DCC: variants seen among roughly 807,000 people sequenced by gnomAD.
DCC encodes the protein netrin receptor DCC.
A neutral mutation model predicts 172.5 loss-of-function variants in DCC; 58 were observed. The observed-to-expected ratio is 0.34, with a 90% CI of 0.27 to 0.42. The LOEUF is 0.42. Among genes scored for constraint, DCC ranks in the 10% least tolerant of loss-of-function variants. DCC has a pLI of 1.00. For missense variants in DCC, 1,740 were observed against 1,791.0 expected (o/e 0.97, Z 0.51); for synonymous variants, 709 against 644.5 (o/e 1.10, Z -1.52).
At chr18:52,831,053 T>G (rs990975217) in intron 2 of DCC, among the ~76,000 whole-genome samples, 2 of 151,964 alleles carry the variant, frequency 1.3e-5, no homozygotes, top group African/African-American at 4.8e-5. Context: ...ATTAGGAAAA[T>G]GAGATTTAAA....
intron 3 of DCC, among the ~76,000 whole-genome samples, chr18:52,918,805 AAAAC>A (rs1239515444): frequency 3.3e-5 from 5 of 152,318 alleles, no homozygotes; most frequent in African/African-American, 7.2e-5. Context: ...CAGCAGTGCA[AAAAC>A]AAACTAAAAA....
chr18:53,418,973 C>G (rs1354608966), intron 21 of DCC, among the ~76,000 whole-genome samples: 1 of 152,102 alleles, frequency 6.6e-6, no homozygotes, highest in Non-Finnish European at 1.5e-5. Context: ...ATCTCTTGCT[C>G]CATATCCTAA....
intron 21 of DCC, among the ~76,000 whole-genome samples, chr18:53,429,123 A>ATG (rs1206609805): frequency 1.0e-5 from 1 of 97,536 alleles, no homozygotes; most frequent in African/African-American, 3.6e-5. Context: ...TATTTTATAT[A>ATG]TATATAAATA....
At chr18:52,967,631 A>G (rs1450563809) in intron 5 of DCC, among the ~76,000 whole-genome samples, 1 of 151,994 alleles carries the variant, frequency 6.6e-6, no homozygotes, top group Non-Finnish European at 1.5e-5. Context: ...GTTAATCTAT[A>G]CTTTCTTCTA....
intron 1 of DCC, among the ~76,000 whole-genome samples, chr18:52,457,350 T>C (rs965642245): frequency 2.0e-5 from 3 of 152,180 alleles, no homozygotes; most frequent in African/African-American, 4.8e-5. Flanking sequence ...TCAGTATTAT[T>C]TGAGGTAGGA....
intron 1 of DCC, among the ~76,000 whole-genome samples, chr18:52,644,014 G>C (rs1200341402): frequency 6.6e-6 from 1 of 151,792 alleles, no homozygotes; most frequent in Non-Finnish European, 1.5e-5. Flanking sequence ...TCAGAGGAAA[G>C]GAGTGAAGAT....
intron 1 of DCC, among the ~76,000 whole-genome samples, chr18:52,686,766 G>A (rs1453037292): frequency 1.3e-5 from 2 of 152,088 alleles, no homozygotes; most frequent in Non-Finnish European, 2.9e-5. Context: ...AAGAGGGTTG[G>A]AGATAAATCA....
intron 25 of DCC, among the ~76,000 whole-genome samples, chr18:53,486,386 C>T (rs996303104): frequency 6.6e-6 from 1 of 152,026 alleles, no homozygotes; most frequent in African/African-American, 2.4e-5. Flanking sequence ...TGGAAAATTC[C>T]CAACATTTTT....
chr18:53,183,301 G>A (rs974424663), intron 9 of DCC, among the ~76,000 whole-genome samples: 7 of 152,026 alleles, frequency 4.6e-5, no homozygotes, highest in Non-Finnish European at 1.0e-4. Flanking sequence ...AAATAGAAAG[G>A]CTTGATTTAT....
chr18:53,172,288 T>C (rs1001350938), intron 8 of DCC, among the ~76,000 whole-genome samples: 5 of 151,982 alleles, frequency 3.3e-5, no homozygotes, highest in Non-Finnish European at 7.4e-5. Flanking sequence ...CAGGGACATA[T>C]AGATGGCAAC....
chr18:52,425,904 T>C (rs1987408433), intron 1 of DCC, among the ~76,000 whole-genome samples: 1 of 152,172 alleles, frequency 6.6e-6, no homozygotes, highest in South Asian at 2.1e-4. Flanking sequence ...CCTATGCACA[T>C]ACATTACAGT....
At chr18:53,462,007 A>C (rs1432178775) in intron 24 of DCC, among the ~76,000 whole-genome samples, 1 of 152,134 alleles carries the variant, frequency 6.6e-6, no homozygotes, top group Non-Finnish European at 1.5e-5. Flanking sequence ...CCTTCTCTCC[A>C]CTTTTCCTGA....
At chr18:52,489,251 A>G (rs1224080690) in intron 1 of DCC, among the ~76,000 whole-genome samples, 5 of 152,022 alleles carry the variant, frequency 3.3e-5, no homozygotes, top group African/African-American at 7.2e-5. Context: ...ACTTTAGGAA[A>G]AGTATAGATT....
Position 53,499,302 on chromosome 18 carries a change from G to C in DCC, c.3903G>C (p.Val1301=). The change falls in exon 27 of 29, where the codon GTG becomes GTC. Residue 1301 remains valine (V), a synonymous_variant. Coordinates refer to ENST00000442544, the MANE Select transcript of DCC (RefSeq NM_005215.4). ...RGFGAGRSQS[V]SEGPTTQQPP... ...CTTTTCTTGTCTCCACTGCAGCAGT[G>C]AGTGAAGGACCAACTACCCAACAAC... The C allele has an allele frequency of 6.2e-7, 1 of 1,614,000 alleles. No homozygotes were observed. The highest frequency in any genetic ancestry group is 1.1e-5 in the South Asian group (1 of 91,072).
At chr18:52,841,634 T>C (rs997474860) in intron 2 of DCC, among the ~76,000 whole-genome samples, 15 of 152,062 alleles carry the variant, frequency 9.9e-5, no homozygotes, top group Non-Finnish European at 1.5e-5. Flanking sequence ...AAAGGCTGTC[T>C]GAAAAAAAAT....
chr18:52,811,358 T>A (rs1251056217), intron 2 of DCC, among the ~76,000 whole-genome samples: 5 of 152,226 alleles, frequency 3.3e-5, no homozygotes, highest in Admixed American at 3.3e-4. Flanking sequence ...TTGGGTTAAC[T>A]ATGAGGATGA....
chr18:53,187,380 C>G (rs952623818), intron 9 of DCC, among the ~76,000 whole-genome samples: 3 of 152,058 alleles, frequency 2.0e-5, no homozygotes, highest in Non-Finnish European at 2.9e-5. Flanking sequence ...CCTCGGCCCC[C>G]CAAAGTGCTG....
At chr18:53,437,195 A>G (rs529917857) in intron 22 of DCC, among the ~76,000 whole-genome samples, 1 of 152,238 alleles carries the variant, frequency 6.6e-6, no homozygotes, top group Admixed American at 6.5e-5. Flanking sequence ...TTTAAATAAC[A>G]TGACTGTCCC....
intron 5 of DCC, among the ~76,000 whole-genome samples, chr18:52,956,526 G>T (rs1192177986): frequency 2.0e-5 from 3 of 152,030 alleles, no homozygotes; most frequent in Non-Finnish European, 4.4e-5. Flanking sequence ...AAATTGAACA[G>T]TGTCAGTCCT....
Sources: allele counts gnomAD v4.1 joint callset (sites outside exome capture counted in the v4.1 genomes callset), GRCh38; gene constraint gnomAD v4.1.1; transcripts MANE v1.5; gene names NCBI Gene and HGNC (gene_info 2026-07-23, HGNC 2026-07-21).